Variants in GALNT14 observed in about 807,000 individuals in gnomAD.
The protein encoded by GALNT14 is polypeptide N-acetylgalactosaminyltransferase 14.
In GALNT14, 60 loss-of-function variants were observed where a neutral mutation model predicts 77.5. That is an observed-to-expected ratio of 0.77 (90% CI 0.63 to 0.96). The LOEUF (loss-of-function observed/expected upper bound fraction) is 0.96, where lower values mean the gene tolerates loss of function less well. GALNT14 is among the 40% of genes least tolerant of loss of function. The pLI is 0.00. For synonymous variants in GALNT14, 280 were observed against 281.7 expected (o/e 0.99, Z 0.06); for missense variants, 710 against 731.0 (o/e 0.97, Z 0.33).
chr2:31,089,763 T>C (rs769930636), intron 1 of GALNT14, among the ~76,000 whole-genome samples: 1 of 152,114 alleles, frequency 6.6e-6, no homozygotes, highest in African/African-American at 2.4e-5. Context: ...AGGGAGCCCA[T>C]ATTTCGTGCA....
intron 1 of GALNT14, among the ~76,000 whole-genome samples, chr2:31,105,554 C>T (rs569248671): frequency 2.0e-5 from 3 of 152,090 alleles, no homozygotes; most frequent in Non-Finnish European, 4.4e-5. Context: ...GGTAAAACCC[C>T]ATCTCTACTA....
the GALNT14 span, among the ~76,000 whole-genome samples, chr2:30,895,733 C>A: frequency 0.17 from 25,686 of 152,006 alleles, 2,732 homozygotes; most frequent in Non-Finnish European, 0.23. Context: ...CTCAAGCAAC[C>A]TCTGGGATAG....
At chr2:30,955,490 G>C (rs1057278132) in intron 6 of GALNT14, 128 bp downstream of exon 6, 1 of 1,264,416 alleles carries the variant, frequency 7.9e-7, no homozygotes, top group Non-Finnish European at 1.1e-6. Flanking sequence ...CAATAAAATC[G>C]GGACTGCGAT....
At chr2:31,014,591 AC>A (rs1248117297) in intron 1 of GALNT14, among the ~76,000 whole-genome samples, 1 of 152,122 alleles carries the variant, frequency 6.6e-6, no homozygotes, top group Non-Finnish European at 1.5e-5. Context: ...TCCCCATATG[AC>A]TAGCCCTGAG....
At chr2:31,034,784 T>C (rs1328843668) in intron 1 of GALNT14, among the ~76,000 whole-genome samples, 3 of 152,314 alleles carry the variant, frequency 2.0e-5, no homozygotes, top group Admixed American at 6.5e-5. Flanking sequence ...TAAATTTGTA[T>C]ATGTTGTGTT....
At chr2:31,013,277 A>G (rs1054373084) in intron 1 of GALNT14, among the ~76,000 whole-genome samples, 3 of 151,418 alleles carry the variant, frequency 2.0e-5, no homozygotes, top group African/African-American at 7.3e-5. Context: ...TTAAATAAAA[A>G]CCTCCTGAGA....
At chr2:31,019,335 G>C (rs2148457253) in intron 1 of GALNT14, among the ~76,000 whole-genome samples, 1 of 152,254 alleles carries the variant, frequency 6.6e-6, no homozygotes, top group South Asian at 2.1e-4. Context: ...TTTTGAGTGG[G>C]TTTTGCTTTA....
intron 1 of GALNT14, among the ~76,000 whole-genome samples, chr2:31,100,616 C>G (rs551282082): frequency 3.3e-5 from 5 of 151,794 alleles, no homozygotes; most frequent in Admixed American, 3.3e-4. Flanking sequence ...AGCATAGATC[C>G]TTGTTCTTTA....
At chr2:31,078,377 AC>A (rs955886897) in intron 1 of GALNT14, among the ~76,000 whole-genome samples, 1 of 152,054 alleles carries the variant, frequency 6.6e-6, no homozygotes, top group Non-Finnish European at 1.5e-5. Flanking sequence ...CAGGCCCCCG[AC>A]CCCCTCTTAA....
At position 30,924,361 on chromosome 2, in the gene GALNT14, G is replaced by C. The variant is rs1022159844; in HGVS notation, c.1236-98C>G. 7 of 1,317,192 alleles carry C rather than the reference G, an allele frequency of 5.3e-6. No individual in the cohort carries two copies. In the African/African-American group the frequency reaches 7.3e-5, roughly 14 times the overall value. The allele number at this position is 1,317,192 out of a possible 1,614,324, so 81.6% of individuals were successfully genotyped here. On this transcript the variant is annotated intron_variant, in intron 12 of 14. Transcript: ENST00000349752. ...TGGGCAGTGTTCTGAGAATGGCAGG[G>C]CTGGGCTGTTAGAAAATATCTGCAC... is the stretch of plus-strand genomic sequence containing the variant.
chr2:31,066,206 T>A (rs76308457), intron 1 of GALNT14, among the ~76,000 whole-genome samples: 1,756 of 152,262 alleles, frequency 0.012, 33 homozygotes, highest in African/African-American at 0.04. Flanking sequence ...ATGCTTTGCA[T>A]CGGCTCCTCA....
intron 2 of GALNT14, among the ~76,000 whole-genome samples, chr2:30,976,958 G>A (rs1458968177): frequency 6.6e-6 from 1 of 152,052 alleles, no homozygotes; most frequent in African/African-American, 2.4e-5. Flanking sequence ...GTGAGTGGTG[G>A]GGCCTCAACA....
At chr2:31,036,091 G>A (rs953161687) in intron 1 of GALNT14, among the ~76,000 whole-genome samples, 3 of 152,056 alleles carry the variant, frequency 2.0e-5, no homozygotes, top group African/African-American at 7.2e-5. Flanking sequence ...ATTTTGCCAC[G>A]CTCTGTTTTT....
chr2:31,122,917 T>C (rs533338321), intron 1 of GALNT14, among the ~76,000 whole-genome samples: 35 of 152,244 alleles, frequency 2.3e-4, no homozygotes, highest in Non-Finnish European at 4.3e-4. Context: ...TGCTGTGGCT[T>C]ACGCCTGTAA....
At chr2:31,052,989 A>G (rs1403457341) in intron 1 of GALNT14, among the ~76,000 whole-genome samples, 1 of 152,128 alleles carries the variant, frequency 6.6e-6, no homozygotes, top group East Asian at 1.9e-4. Context: ...CTGAGTGCCT[A>G]GTCCCAGTTC....
chr2:31,097,737 G>T (rs1184391866), intron 1 of GALNT14, among the ~76,000 whole-genome samples: 1 of 152,082 alleles, frequency 6.6e-6, no homozygotes, highest in Non-Finnish European at 1.5e-5. Flanking sequence ...AACACAGGTG[G>T]CCCTCACTCC....
chr2:30,922,160 A>G (rs982315194), intron 13 of GALNT14, among the ~76,000 whole-genome samples: 12 of 152,194 alleles, frequency 7.9e-5, no homozygotes, highest in Non-Finnish European at 1.6e-4. Flanking sequence ...GCTCATGGCT[A>G]TCTGTTGTCT....
intron 13 of GALNT14, among the ~76,000 whole-genome samples, chr2:30,922,607 T>C (rs1009487868): frequency 2.6e-5 from 4 of 152,218 alleles, no homozygotes; most frequent in African/African-American, 7.2e-5. Flanking sequence ...CTATTTCTAC[T>C]CATCTCTGAG....
At chr2:31,010,268 G>A (rs946020980) in intron 1 of GALNT14, among the ~76,000 whole-genome samples, 2 of 152,128 alleles carry the variant, frequency 1.3e-5, no homozygotes, top group Non-Finnish European at 2.9e-5. Context: ...GATTACAGGC[G>A]TGAACCACTG....
Sources: allele counts gnomAD v4.1 joint callset (sites outside exome capture counted in the v4.1 genomes callset), GRCh38; gene constraint gnomAD v4.1.1; transcripts MANE v1.5; gene names NCBI Gene and HGNC (gene_info 2026-07-23, HGNC 2026-07-21).